Variants in GSTO2 observed in about 807,000 individuals in gnomAD.
The protein encoded by GSTO2 is glutathione S-transferase omega-2.
GSTO2 carries 23 observed loss-of-function variants against 28.4 expected under a neutral mutation model. The observed-to-expected ratio is 0.81, with a 90% CI of 0.58 to 1.15. The LOEUF is 1.15. Ranked by LOEUF, GSTO2 falls within the 50% of genes most tolerant of loss-of-function variation. GSTO2 has a pLI of 0.00. For missense variants in GSTO2, 298 were observed against 297.8 expected (o/e 1.00, Z 0.00); for synonymous variants, 109 against 111.0 (o/e 0.98, Z 0.11).
chr10:104,275,190 C>T (rs748504034), intron 2 of GSTO2, 36 bp from the exon 3 acceptor site: 7 of 1,587,372 alleles, frequency 4.4e-6, no homozygotes, highest in Middle Eastern at 1.7e-4. Context: ...TGACTAGCCT[C>T]TCCTTTCCCT....
chr10:104,269,957 A>G (rs890009557), intron 1 of GSTO2, among the ~76,000 whole-genome samples: 18 of 151,874 alleles, frequency 1.2e-4, no homozygotes, highest in Non-Finnish European at 1.8e-4. Flanking sequence ...AGATGAATTT[A>G]TATGTGCTAT....
chr10:104,273,734 T>G (rs1222510849), intron 1 of GSTO2, among the ~76,000 whole-genome samples: 3 of 152,244 alleles, frequency 2.0e-5, no homozygotes, highest in African/African-American at 7.2e-5. Flanking sequence ...TTTGGACTTT[T>G]AAAGTTCTTC....
intron 1 of GSTO2, among the ~76,000 whole-genome samples, chr10:104,270,107 G>A (rs1168708337): frequency 6.6e-6 from 1 of 151,280 alleles, no homozygotes; most frequent in Non-Finnish European, 1.5e-5. Context: ...TCCGCCTCCC[G>A]GGTTCACGCC....
intron 5 of GSTO2, among the ~76,000 whole-genome samples, chr10:104,293,367 C>G (rs2012862883): frequency 6.6e-6 from 1 of 152,086 alleles, no homozygotes; most frequent in African/African-American, 2.4e-5. Flanking sequence ...TATTCTTTTT[C>G]ATTCTTACAG....
chr10:104,279,993 C>G (rs1345797762), intron 5 of GSTO2, among the ~76,000 whole-genome samples: 1 of 151,858 alleles, frequency 6.6e-6, no homozygotes, highest in African/African-American at 2.4e-5. Context: ...CAAGACCCCT[C>G]CTCTACAAAA....
chr10:104,288,044 C>T (rs969588549), intron 5 of GSTO2, among the ~76,000 whole-genome samples: 6 of 151,972 alleles, frequency 3.9e-5, no homozygotes, highest in Middle Eastern at 3.4e-3. Context: ...CCCGCCACCA[C>T]GCCCGGCTAA....
intron 4 of GSTO2, among the ~76,000 whole-genome samples, chr10:104,278,628 C>A (rs35037627): frequency 0.05 from 7,688 of 152,260 alleles, 504 homozygotes; most frequent in African/African-American, 0.15. Flanking sequence ...ATTACAGGCG[C>A]ATGCCACCAC....
intron 6 of GSTO2, among the ~76,000 whole-genome samples, 157 bp downstream of exon 6, chr10:104,297,841 G>T (rs2013117648): frequency 6.6e-6 from 1 of 152,208 alleles, no homozygotes; most frequent in Admixed American, 6.5e-5. Flanking sequence ...AAAAACATAT[G>T]TGCTTTTCCA....
At chr10:104,283,791 G>A (rs957213320) in intron 5 of GSTO2, among the ~76,000 whole-genome samples, 1 of 152,172 alleles carries the variant, frequency 6.6e-6, no homozygotes, top group Non-Finnish European at 1.5e-5. Context: ...TAATGGAGAG[G>A]ATCCCCTGAT....
chr10:104,296,662 A>G (rs2013045378), intron 5 of GSTO2: 1 of 151,318 alleles, frequency 6.6e-6, no homozygotes, highest in South Asian at 2.1e-4. Context: ...ACAGGTTGGA[A>G]TTTGAGGGGG....
chr10:104,279,540 A>C, intron 5 of GSTO2, 69 bp downstream of exon 5: 1 of 998,646 alleles, frequency 1.0e-6, no homozygotes, highest in East Asian at 2.4e-5. Flanking sequence ...TAACCTGGTC[A>C]CTCTAACACC....
intron 3 of GSTO2, among the ~76,000 whole-genome samples, chr10:104,276,907 TTAAA>T (rs1271915119): frequency 1.3e-5 from 2 of 152,198 alleles, no homozygotes; most frequent in Non-Finnish European, 2.9e-5. Flanking sequence ...TATGTGAACA[TTAAA>T]TAATAATAGT....
intron 1 of GSTO2, among the ~76,000 whole-genome samples, chr10:104,274,269 T>C (rs2011529986): frequency 6.6e-6 from 1 of 152,162 alleles, no homozygotes; most frequent in Admixed American, 6.5e-5. Context: ...GGGCCAGGAC[T>C]GGGATGAGGC....
At position 104,277,897 on chromosome 10, in the gene GSTO2, T is replaced by C; in HGVS notation, c.147T>C (p.His49=). 6.2e-7 allele frequency: 1 copy of C among 1,610,628 alleles called. No individual in the cohort carries two copies. Among genetic ancestry groups the C allele is most frequent in the South Asian group, 1.1e-5 (1 of 90,982 alleles). Residue 49 remains histidine (H), a synonymous_variant, in exon 4 of 7, where the codon CAT becomes CAC. Transcript: ENST00000338595. ...TGTTTTCCTTTTGCTTTTTAAGACATGAAGTGGTCAACATTAACCTGAGAA... is the reference window on the plus strand; with the variant it reads ...TGTTTTCCTTTTGCTTTTTAAGACACGAAGTGGTCAACATTAACCTGAGAA... ...RLVLKAKDIR[H]EVVNINLRNK...
chr10:104,299,585 C>T lies in GSTO2; in HGVS notation c.*301C>T, dbSNP rs2013198787. 3.2e-6 allele frequency: 1 copy of T among 313,362 alleles called. No homozygotes were observed. Among genetic ancestry groups the T allele is most frequent in the East Asian group, 9.9e-5 (1 of 10,148 alleles). The allele number at this position is 313,362 out of a possible 1,614,324, so 19.4% of individuals were successfully genotyped here. The stretch of plus-strand genomic sequence containing the variant: ...TGAACTCCTGGGCTCAGTTGATTCT[C>T]CCGCCTCAGCCTCCTGAGAAGCTAG... On this transcript the variant is annotated 3_prime_UTR_variant, in exon 7 of 7. Coordinates refer to ENST00000338595, the MANE Select transcript of GSTO2 (RefSeq NM_183239.2).
chr10:104,301,189 TG>T lies in GSTO2; in HGVS notation c.*1906del, dbSNP rs886660477. 10 of 152,378 alleles carry T rather than the reference TG, an allele frequency of 6.6e-5. 1 individual carries two copies. Among genetic ancestry groups the T allele is most frequent in the Non-Finnish European group, 8.8e-5 (6 of 68,038 alleles). The allele number at this position is 152,378 out of a possible 1,614,324, so 9.4% of individuals were successfully genotyped here. On this transcript the variant is annotated 3_prime_UTR_variant, in exon 7 of 7. Transcript: ENST00000338595. ...ATCAGCCTTTTGCCGGTACAAATCC[TG>T]CATGCTAGTGAGTGCTTGTCATAAG...
intron 5 of GSTO2, among the ~76,000 whole-genome samples, chr10:104,290,703 C>T (rs891253771): frequency 6.6e-6 from 1 of 152,048 alleles, no homozygotes; most frequent in Non-Finnish European, 1.5e-5. Flanking sequence ...AACAATTGAA[C>T]TCATGAACAC....
chr10:104,279,355 G>A lies in GSTO2; in HGVS notation c.367-15G>A, dbSNP rs1458412466. ...CCACAGACTTCTCCACTGAGAACCTGTGTCCTCTGATTAGGTCCCACATTT... is the reference window on the plus strand; with the variant it reads ...CCACAGACTTCTCCACTGAGAACCTATGTCCTCTGATTAGGTCCCACATTT... On this transcript the variant is annotated splice_polypyrimidine_tract_variant and intron_variant, in intron 4 of 6. Transcript: ENST00000338595. 1 of 1,602,992 alleles carries A rather than the reference G, an allele frequency of 6.2e-7. No homozygotes were observed. The highest frequency in any genetic ancestry group is 8.5e-7 in the Non-Finnish European group (1 of 1,169,990).
rs397787244 is a variant in GSTO2 at position 104,293,563 on chromosome 10, A to ATTTTTTTTTTTTTTTTT, written c.469-4009_469-3993dup. 2.4e-3 allele frequency among the ~76,000 whole-genome samples: 192 copies of ATTTTTTTTTTTTTTTTT among 81,622 alleles called. 31 individuals carry two copies. Among genetic ancestry groups the ATTTTTTTTTTTTTTTTT allele is most frequent in the African/African-American group, 8.2e-3 (133 of 16,244 alleles). The allele number at this position is 81,622 out of a possible 152,430, so 53.5% of individuals were successfully genotyped here. A position where few individuals can be genotyped will look rare whatever the true frequency, so the allele number is the denominator to read the frequency against. On this transcript the variant is annotated intron_variant, in intron 5 of 6. Transcript: ENST00000338595. ...AGGCATGAGCCACTGCGCCTGGCCA[A>ATTTTTTTTTTTTTTTTT]TTTTTTTTTTTTTTTTTTTTTTGCG...
Sources: gnomAD v4.1 joint callset for allele counts (sites outside exome capture counted in the v4.1 genomes callset) on GRCh38, gnomAD v4.1.1 for gene constraint, MANE v1.5 for transcripts, NCBI Gene and HGNC (gene_info 2026-07-23, HGNC 2026-07-21) for gene names.